GUCY1A1: variants seen among roughly 807,000 people sequenced by gnomAD.
The protein encoded by GUCY1A1 is guanylate cyclase 1 soluble subunit alpha 1, also known as guanylate cyclase soluble subunit alpha-1.
Under a neutral mutation model 64.5 loss-of-function variants are expected in GUCY1A1, and 48 were observed. That is an observed-to-expected ratio of 0.74 (90% CI 0.59 to 0.95). The LOEUF is 0.95. Ranked by LOEUF, GUCY1A1 falls within the 40% of genes least tolerant of loss-of-function variation. GUCY1A1 has a pLI of 0.00. For missense variants in GUCY1A1, 804 were observed against 825.3 expected (o/e 0.97, Z 0.32); for synonymous variants, 308 against 303.4 (o/e 1.02, Z -0.16).
chr4:155,718,578 T>C (rs1733562690), intron 8 of GUCY1A1, among the ~76,000 whole-genome samples: 1 of 152,176 alleles, frequency 6.6e-6, no homozygotes, highest in African/African-American at 2.4e-5. Flanking sequence ...ATTGCAACGA[T>C]TGAAGCTGGA....
chr4:155,706,514 C>T (rs573914990), intron 4 of GUCY1A1, among the ~76,000 whole-genome samples: 203 of 151,448 alleles, frequency 1.3e-3, no homozygotes, highest in African/African-American at 4.8e-3. Flanking sequence ...TAGAGCTGCC[C>T]CCCTCCTCTT....
rs1735813806 is a variant in GUCY1A1, at chr4:155,733,982, A to G, written c.*3751A>G. Among the ~76,000 whole-genome samples the G allele has an allele frequency of 1.3e-5, 2 of 151,868 alleles. No individual in the cohort carries two copies. The highest frequency in any genetic ancestry group is 2.1e-4 in the South Asian group (1 of 4,834). On this transcript the variant is annotated 3_prime_UTR_variant, in exon 10 of 10. Coordinates refer to ENST00000506455, the MANE Select transcript of GUCY1A1 (RefSeq NM_001130682.3). ...GGCATTGGAATTTTATGTCACTCTCAAGGCTAATTAGTCTTTCAGATCCTT... is the reference window on the plus strand; with the variant it reads ...GGCATTGGAATTTTATGTCACTCTCGAGGCTAATTAGTCTTTCAGATCCTT...
intron 4 of GUCY1A1, among the ~76,000 whole-genome samples, chr4:155,707,167 A>G (rs1731891263): frequency 6.6e-6 from 1 of 152,196 alleles, no homozygotes; most frequent in Non-Finnish European, 1.5e-5. Flanking sequence ...CTTGGTTATC[A>G]GAATTACCAT....
At chr4:155,701,602 GTGGCAGAAT>G (rs1205480335) in intron 3 of GUCY1A1, among the ~76,000 whole-genome samples, 6 of 152,090 alleles carry the variant, frequency 3.9e-5, no homozygotes, top group African/African-American at 1.4e-4. Context: ...GCATTCTTCA[GTGGCAGAAT>G]TGGTTGGGTT....
At chr4:155,708,421 T>C in intron 5 of GUCY1A1, 127 bp downstream of exon 5, 2 of 569,702 alleles carry the variant, frequency 3.5e-6, no homozygotes, top group Non-Finnish European at 6.5e-6. Context: ...ATGTATTCTG[T>C]TAACGTAAAG....
At chr4:155,729,887 G>A (rs578035763) in intron 9 of GUCY1A1, 143 bp from the exon 10 acceptor site, 1 of 585,042 alleles carries the variant, frequency 1.7e-6, no homozygotes, top group African/African-American at 1.9e-5. Flanking sequence ...GAAGATGTCT[G>A]TTAATCTCGT....
chr4:155,674,332 C>T (rs975108954), intron 2 of GUCY1A1, among the ~76,000 whole-genome samples: 32 of 142,738 alleles, frequency 2.2e-4, no homozygotes, highest in Admixed American at 1.4e-3. Flanking sequence ...CCAGCCTGGG[C>T]GACAGAGCGA....
intron 9 of GUCY1A1, among the ~76,000 whole-genome samples, chr4:155,729,334 A>C (rs1735214252): frequency 6.6e-6 from 1 of 151,864 alleles, no homozygotes; most frequent in African/African-American, 2.4e-5. Context: ...CCAATAGCTT[A>C]ATCAGTAAGA....
At chr4:155,726,826 A>G (rs1734751041) in intron 9 of GUCY1A1, among the ~76,000 whole-genome samples, 1 of 151,988 alleles carries the variant, frequency 6.6e-6, no homozygotes, top group Non-Finnish European at 1.5e-5. Flanking sequence ...AGACTAGTAG[A>G]GACTACATTA....
chr4:155,704,931 G>C (rs572732130), intron 4 of GUCY1A1, among the ~76,000 whole-genome samples: 1 of 152,214 alleles, frequency 6.6e-6, no homozygotes, highest in African/African-American at 2.4e-5. Context: ...CTGTCGCCTA[G>C]GCTGGAGTGC....
At chr4:155,676,231 G>A (rs908009694) in intron 2 of GUCY1A1, among the ~76,000 whole-genome samples, 4 of 150,390 alleles carry the variant, frequency 2.7e-5, no homozygotes, top group African/African-American at 9.9e-5. Flanking sequence ...GGTGTATTGG[G>A]CAACAATACA....
chr4:155,708,319 GA>G, intron 5 of GUCY1A1, 25 bp downstream of exon 5: 1 of 1,288,140 alleles, frequency 7.8e-7, no homozygotes, highest in Non-Finnish European at 1.1e-6. Flanking sequence ...TATGTAATTA[GA>G]AAGTATGCCA....
intron 2 of GUCY1A1, among the ~76,000 whole-genome samples, chr4:155,684,344 A>G (rs1159717760): frequency 6.6e-6 from 1 of 150,982 alleles, no homozygotes; most frequent in Non-Finnish European, 1.5e-5. Context: ...TTCTAAACTA[A>G]TCATTATGTA....
At chr4:155,668,645 G>A (rs1174289769) in intron 2 of GUCY1A1, among the ~76,000 whole-genome samples, 1 of 152,078 alleles carries the variant, frequency 6.6e-6, no homozygotes, top group African/African-American at 2.4e-5. Context: ...GAGTGTAGAA[G>A]TGGTCTGTTG....
chr4:155,670,074 A>T (rs1011049512), intron 2 of GUCY1A1, among the ~76,000 whole-genome samples: 1 of 152,208 alleles, frequency 6.6e-6, no homozygotes, highest in African/African-American at 2.4e-5. Context: ...AAATTTTTGG[A>T]GGAAGCTGTT....
rs371928316 is a variant in GUCY1A1 at position 155,708,318 on chromosome 4, A to G, written c.376+24A>G. On this transcript the variant is annotated intron_variant, in intron 5 of 9. Coordinates refer to ENST00000506455, the MANE Select transcript of GUCY1A1 (RefSeq NM_001130682.3). ...AGGTAATAGAATTGTTTATGTAATT[A>G]GAAAGTATGCCATATACCTGTAGAA... is the stretch of plus-strand genomic sequence containing the variant. The G allele has an allele frequency of 3.0e-5, 39 of 1,297,286 alleles. No individual in the cohort carries two copies. The African/African-American group carries it at 3.2e-4, about 11-fold the overall frequency. The allele number at this position is 1,297,286 out of a possible 1,614,324, so 80.4% of individuals were successfully genotyped here.
At chr4:155,720,196 A>G (rs925831873) in intron 8 of GUCY1A1, among the ~76,000 whole-genome samples, 6 of 152,174 alleles carry the variant, frequency 3.9e-5, no homozygotes, top group East Asian at 1.9e-4. Flanking sequence ...ATGCTATGGT[A>G]AATTTAATAT....
At chr4:155,698,697 C>G (rs1157444822) in intron 3 of GUCY1A1, among the ~76,000 whole-genome samples, 1 of 152,182 alleles carries the variant, frequency 6.6e-6, no homozygotes, top group African/African-American at 2.4e-5. Context: ...CAAAAAAATT[C>G]TGGTTCACTT....
At chr4:155,690,319 A>C (rs1014315089) in intron 2 of GUCY1A1, among the ~76,000 whole-genome samples, 73 of 152,046 alleles carry the variant, frequency 4.8e-4, no homozygotes, top group Non-Finnish European at 1.0e-4. Flanking sequence ...CTCTCTCAGA[A>C]TTACTTCTGC....
Sources: allele counts gnomAD v4.1 joint callset (sites outside exome capture counted in the v4.1 genomes callset), GRCh38; gene constraint gnomAD v4.1.1; transcripts MANE v1.5; gene names NCBI Gene and HGNC (gene_info 2026-07-23, HGNC 2026-07-21).